The following LIMCH1 variants were observed in gnomAD, a reference collection of about 807,000 sequenced individuals.
LIMCH1 encodes LIM and calponin homology domains 1.
LIMCH1 carries 113 observed loss-of-function variants against 176.5 expected under a neutral mutation model. The ratio of observed to expected loss-of-function variants is 0.64; its 90% CI spans 0.55 to 0.75. LIMCH1 has a LOEUF of 0.75. Ranked by LOEUF, LIMCH1 falls within the 30% of genes least tolerant of loss-of-function variation. The pLI, the probability that LIMCH1 is intolerant of heterozygous loss-of-function variation, is 0.00. For synonymous variants in LIMCH1, 619 were observed against 645.9 expected, an observed-to-expected ratio of 0.96 and a Z score of 0.63; for missense variants, 1,674 against 1,814.9, an observed-to-expected ratio of 0.92 and a Z score of 1.41.
intron 1 of LIMCH1, among the ~76,000 whole-genome samples, chr4:41,443,061 A>G (rs1436496955): frequency 6.6e-6 from 1 of 152,112 alleles, no homozygotes; most frequent in Non-Finnish European, 1.5e-5. Context: ...GTTTAGTTAG[A>G]GATTTGTTTA....
At chr4:41,462,706 A>C (rs577333272) in intron 1 of LIMCH1, among the ~76,000 whole-genome samples, 10 of 152,240 alleles carry the variant, frequency 6.6e-5, no homozygotes, top group Admixed American at 6.5e-4. Context: ...CCACAAAGCA[A>C]TTTACTTTTA....
intron 1 of LIMCH1, among the ~76,000 whole-genome samples, chr4:41,376,315 A>C (rs1479502064): frequency 6.6e-6 from 1 of 152,178 alleles, no homozygotes; most frequent in East Asian, 1.9e-4. Flanking sequence ...GTGTTTTTAA[A>C]GTGTAGTAGA....
At chr4:41,603,948 G>C (rs1022348048) in intron 3 of LIMCH1, 43 bp downstream of exon 3, 51 of 1,552,514 alleles carry the variant, frequency 3.3e-5, no homozygotes, top group Non-Finnish European at 4.4e-5. Flanking sequence ...GATGGTTCAA[G>C]TGTAAAATTT....
chr4:41,636,310 G>A (rs925815661), intron 13 of LIMCH1, among the ~76,000 whole-genome samples: 7 of 141,518 alleles, frequency 4.9e-5, no homozygotes, highest in South Asian at 2.3e-4. Flanking sequence ...ATTGAGTCAC[G>A]TACTTTGCAT....
chr4:41,443,865 A>G (rs1447563504), intron 1 of LIMCH1, among the ~76,000 whole-genome samples: 2 of 152,090 alleles, frequency 1.3e-5, no homozygotes, highest in African/African-American at 4.8e-5. Context: ...CATATAAGCA[A>G]CTCAGCAATT....
intron 1 of LIMCH1, among the ~76,000 whole-genome samples, chr4:41,560,641 T>G (rs2081951172): frequency 6.6e-6 from 1 of 152,218 alleles, no homozygotes; most frequent in Admixed American, 6.5e-5. Flanking sequence ...ATCCCAGCAC[T>G]TTGGGAGGCT....
intron 1 of LIMCH1, among the ~76,000 whole-genome samples, chr4:41,409,203 A>T (rs1221656713): frequency 6.6e-6 from 1 of 152,166 alleles, no homozygotes; most frequent in Non-Finnish European, 1.5e-5. Context: ...CCAAATTTAA[A>T]AAATAATATT....
At chr4:41,565,188 A>T (rs2082558137) in intron 1 of LIMCH1, among the ~76,000 whole-genome samples, 1 of 152,002 alleles carries the variant, frequency 6.6e-6, no homozygotes, top group Non-Finnish European at 1.5e-5. Flanking sequence ...AGCTCGTGGG[A>T]TATTGGAGTG....
intron 2 of LIMCH1, among the ~76,000 whole-genome samples, chr4:41,523,696 C>T (rs1306042648): frequency 6.6e-6 from 1 of 152,196 alleles, no homozygotes; most frequent in African/African-American, 2.4e-5. Flanking sequence ...TCTCTTCACT[C>T]TGGGTTTTTA....
At chr4:41,682,261 C>T in intron 25 of LIMCH1, 72 bp from the exon 26 acceptor site, 1 of 1,108,702 alleles carries the variant, frequency 9.0e-7, no homozygotes, top group Non-Finnish European at 1.2e-6. Flanking sequence ...TTCAAATATC[C>T]CTGGCCAGAG....
At chr4:41,606,114 C>A in intron 4 of LIMCH1, 110 bp downstream of exon 4, 2 of 667,408 alleles carry the variant, frequency 3.0e-6, no homozygotes, top group Non-Finnish European at 5.3e-6. Context: ...TGGTATGAGC[C>A]AAAGATATGC....
rs781745018 is a variant in LIMCH1 at position 41,646,162 on chromosome 4, C to A, written c.2293C>A (p.Gln765Lys). 6.2e-7 allele frequency: 1 copy of A among 1,613,768 alleles called. No homozygotes were observed. Among genetic ancestry groups the A allele is most frequent in the Non-Finnish European group, 8.5e-7 (1 of 1,179,940 alleles). Residue 765 changes from glutamine to lysine, a missense_variant, in exon 16 of 32, where the codon CAG becomes AAG. Coordinates refer to ENST00000503057, the MANE Select transcript of LIMCH1 (RefSeq NM_001330672.2). ...GAAGAGTCGTAGAAGAAGTGTTTCT[C>A]AGGACTTAATCAAGAAAGAGGAAGA... is the stretch of plus-strand genomic sequence containing the variant. ...RWKSRRRSVS[Q>K]DLIKKEEERK... is the part of the protein sequence containing the mutation.
At chr4:41,438,218 A>C (rs1007569680) in intron 1 of LIMCH1, among the ~76,000 whole-genome samples, 1 of 152,156 alleles carries the variant, frequency 6.6e-6, no homozygotes, top group African/African-American at 2.4e-5. Context: ...ACAGAGATGT[A>C]CCCTCCATCA....
At chr4:41,454,750 GCA>G (rs2064328460) in intron 1 of LIMCH1, among the ~76,000 whole-genome samples, 1 of 152,182 alleles carries the variant, frequency 6.6e-6, no homozygotes, top group Admixed American at 6.5e-5. Flanking sequence ...TTTCTAGAAA[GCA>G]CTTGTGAATC....
chr4:41,609,495 T>C (rs972561768), intron 4 of LIMCH1, among the ~76,000 whole-genome samples: 1 of 152,050 alleles, frequency 6.6e-6, no homozygotes, highest in African/African-American at 2.4e-5. Flanking sequence ...AGTAGAACCC[T>C]AAAGCCCTCT....
chr4:41,570,647 G>A (rs1294224036), intron 1 of LIMCH1, among the ~76,000 whole-genome samples: 5 of 152,168 alleles, frequency 3.3e-5, no homozygotes, highest in Non-Finnish European at 7.4e-5. Flanking sequence ...ACATTTTGTG[G>A]CAAAGAAATG....
rs533549092 is a variant in LIMCH1, at chr4:41,543,379, G to A, written c.-241+5029G>A. ...TTGTTAGGGACATCTCTGAGCTCCT[G>A]TGGAGATAGTGTTTTTTCCCTAACA... On this transcript the variant is annotated intron_variant, in intron 1 of 31. Coordinates refer to ENST00000503057, the MANE Select transcript of LIMCH1 (RefSeq NM_001330672.2). Among the ~76,000 whole-genome samples, 3 of 152,284 alleles carry A rather than the reference G, an allele frequency of 2.0e-5. No homozygotes were observed. In the East Asian group the frequency reaches 5.8e-4, roughly 29 times the overall value.
chr4:41,419,689 T>TTCCTTCCTTCCTTCCTTCCTTCC (rs2060416152), intron 1 of LIMCH1, among the ~76,000 whole-genome samples: 1 of 70,542 alleles, frequency 1.4e-5, no homozygotes, highest in Non-Finnish European at 2.6e-5. Flanking sequence ...TCCTCCTTCC[T>TTCCTTCCTTCCTTCCTTCCTTCC]TCCTTCCTTC....
At chr4:41,605,421 T>C (rs949958155) in intron 3 of LIMCH1, among the ~76,000 whole-genome samples, 3 of 152,152 alleles carry the variant, frequency 2.0e-5, no homozygotes, top group African/African-American at 7.2e-5. Flanking sequence ...TTGTTTGGGA[T>C]TTTATTTTTT....
Sources: allele counts gnomAD v4.1 joint callset (sites outside exome capture counted in the v4.1 genomes callset), GRCh38; gene constraint gnomAD v4.1.1; transcripts MANE v1.5; gene names NCBI Gene and HGNC (gene_info 2026-07-23, HGNC 2026-07-21).